Variants in PADI1 observed in about 807,000 individuals in gnomAD.
PADI1 encodes the protein peptidyl arginine deiminase 1.
In PADI1, 65 loss-of-function variants were observed where a neutral mutation model predicts 74.8. The ratio of observed to expected loss-of-function variants is 0.87; its 90% confidence interval spans 0.71 to 1.07. PADI1 has a LOEUF of 1.07. Among genes scored for constraint, PADI1 ranks in the 50% least tolerant of loss-of-function variants. The pLI is 0.00. For missense variants in PADI1, 943 were observed against 854.0 expected (o/e 1.10, Z -1.30); for synonymous variants, 371 against 336.2 (o/e 1.10, Z -1.13).
intron 1 of PADI1, among the ~76,000 whole-genome samples, chr1:17,221,096 G>A (rs992867351): frequency 6.6e-6 from 1 of 152,176 alleles, no homozygotes; most frequent in Non-Finnish European, 1.5e-5. Flanking sequence ...AGGTGAATGC[G>A]GTGTATTGGG....
intron 1 of PADI1, among the ~76,000 whole-genome samples, chr1:17,221,227 C>A (rs114802760): frequency 6.6e-6 from 1 of 152,164 alleles, no homozygotes; most frequent in African/African-American, 2.4e-5. Flanking sequence ...CATTCATTCA[C>A]ACGTGTTTAT....
chr1:17,239,809 C>T, intron 14 of PADI1, 26 bp downstream of exon 14: 2 of 1,557,436 alleles, frequency 1.3e-6, no homozygotes, highest in Non-Finnish European at 1.8e-6. Flanking sequence ...ACCAGCTGCT[C>T]TAAGGGGTCC....
Position 17,224,428 on chromosome 1 carries a change from G to A in PADI1, c.408G>A (p.Lys136=). The A allele has an allele frequency of 6.2e-7, 1 of 1,613,060 alleles. No individual in the cohort carries two copies. The highest frequency in any genetic ancestry group is 8.5e-7 in the Non-Finnish European group (1 of 1,179,292). ...AGGTGAAGAGGAGCCAAGGGGACAA[G>A]GTGAGACCCTTCCGGGCACCCCAAG... ...TGKVKRSQGD[K]KTWRWGPEGY... is the part of the protein sequence containing the mutation. Residue 136 remains lysine (K), a splice_region_variant and synonymous_variant, in exon 4 of 16, where the codon AAG becomes AAA. Transcript: ENST00000375471.
intron 11 of PADI1, among the ~76,000 whole-genome samples, 193 bp downstream of exon 11, chr1:17,233,163 C>T (rs2072544547): frequency 6.6e-6 from 1 of 152,204 alleles, no homozygotes; most frequent in Non-Finnish European, 1.5e-5. Context: ...GGAGAAAAGT[C>T]ACACGCTTGT....
intron 9 of PADI1, 124 bp downstream of exon 9, chr1:17,230,332 G>A (rs1363117682): frequency 5.6e-6 from 7 of 1,242,368 alleles, no homozygotes; most frequent in Middle Eastern, 2.7e-4. Context: ...CCTCTGGGGC[G>A]AGGGCTTTTC....
In PADI1 at chr1:17,214,358, G is replaced by A. The variant is rs567280844; in HGVS notation, c.93-7932G>A. On this transcript the variant is annotated intron_variant, in intron 1 of 15. Transcript: ENST00000375471. ...CCCCTGCCCCCCGCCCCATGACTTG[G>A]CCCAGCAGAGATGGGGGAGCAGCCT... 5.9e-5 allele frequency among the ~76,000 whole-genome samples: 9 copies of A among 152,260 alleles called. No homozygotes were observed. The South Asian group carries it at 1.9e-3, about 32-fold the overall frequency.
intron 12 of PADI1, among the ~76,000 whole-genome samples, chr1:17,238,019 A>C (rs534298190): frequency 2.4e-4 from 36 of 152,258 alleles, no homozygotes; most frequent in African/African-American, 8.7e-4. Flanking sequence ...GTGAAGGAGG[A>C]GACATCTGAA....
intron 1 of PADI1, among the ~76,000 whole-genome samples, chr1:17,208,979 A>G (rs1341462723): frequency 6.6e-6 from 1 of 152,230 alleles, no homozygotes; most frequent in African/African-American, 2.4e-5. Context: ...GCAGCAATGC[A>G]AGACTGAGTC....
chr1:17,242,752 G>C (rs76490244), intron 15 of PADI1, among the ~76,000 whole-genome samples: 6,445 of 152,316 alleles, frequency 0.042, 200 homozygotes, highest in Middle Eastern at 0.078. Flanking sequence ...CAGTGAGCGA[G>C]TGGCGGAGTT....
chr1:17,226,040 G>A lies in PADI1; in HGVS notation c.534G>A (p.Gln178=). The change falls in exon 6 of 16, where the codon CAG becomes CAA. Residue 178 remains glutamine, a synonymous_variant. Coordinates refer to ENST00000375471, the MANE Select transcript of PADI1 (RefSeq NM_013358.3). ...HSWLMSLADL[Q]DMSPMLLSCN... is the part of the protein sequence containing the mutation. ...GAGGGCCACTCTCTCCAGACCTGCA[G>A]GACATGTCCCCAATGCTGCTGAGCT... The A allele has an allele frequency of 1.9e-6, 3 of 1,614,186 alleles. No homozygotes were observed. Among genetic ancestry groups the A allele is most frequent in the Non-Finnish European group, 2.5e-6 (3 of 1,180,040 alleles).
chr1:17,223,416 C>A, intron 2 of PADI1: 1 of 577,362 alleles, frequency 1.7e-6, no homozygotes, highest in East Asian at 2.9e-5. Context: ...GCTCTGGGAA[C>A]CAAGGTGGGC....
chr1:17,222,506 C>A (rs752072760), intron 2 of PADI1, 36 bp downstream of exon 2: 3 of 1,490,872 alleles, frequency 2.0e-6, no homozygotes, highest in East Asian at 4.5e-5. Context: ...AGGGTTGGAT[C>A]TCTCCACCCC....
Position 17,232,901 on chromosome 1 carries a change from G to A in PADI1, c.1244G>A (p.Ser415Asn). 6.2e-7 allele frequency: 1 copy of A among 1,613,196 alleles called. No homozygotes were observed. Among genetic ancestry groups the A allele is most frequent in the South Asian group, 1.1e-5 (1 of 90,958 alleles). The stretch of plus-strand genomic sequence containing the variant: ...GACTCCTTCGGCAACCTGGACGTCA[G>A]CCCGCCCGTCACGGTGGGCGGCACG... The part of the protein sequence containing the change: ...SLDSFGNLDV[S>N]PPVTVGGTEY... The change falls in exon 11 of 16, where the codon AGC becomes AAC. Residue 415 changes from serine (S) to asparagine (N), a missense_variant. By Grantham distance (46) the Ser-to-Asn change is conservative (BLOSUM62 1). Coordinates refer to ENST00000375471, the MANE Select transcript of PADI1 (RefSeq NM_013358.3).
At chr1:17,229,095 G>A in intron 8 of PADI1, 44 bp downstream of exon 8, 1 of 1,267,502 alleles carries the variant, frequency 7.9e-7, no homozygotes. Flanking sequence ...CTGGAGTGCA[G>A]AGGTAGGGAC....
chr1:17,230,256 AG>A (rs2072450077), intron 9 of PADI1, 48 bp downstream of exon 9: 1 of 1,592,374 alleles, frequency 6.3e-7, no homozygotes, highest in African/African-American at 1.3e-5. Flanking sequence ...GCTTGGGGAA[AG>A]GGAAGCCGCA....
chr1:17,226,219 C>T, intron 6 of PADI1, 61 bp downstream of exon 6: 1 of 1,562,664 alleles, frequency 6.4e-7, no homozygotes. Flanking sequence ...TCTCCTCCCC[C>T]ATCTCTCTCT....
At chr1:17,230,327 G>T in intron 9 of PADI1, 119 bp downstream of exon 9, 1 of 1,283,090 alleles carries the variant, frequency 7.8e-7, no homozygotes, top group Non-Finnish European at 1.1e-6. Context: ...CCAGGCCTCT[G>T]GGGCGAGGGC....
At chr1:17,229,224 C>T (rs1330079059) in intron 8 of PADI1, among the ~76,000 whole-genome samples, 173 bp downstream of exon 8, 4 of 152,204 alleles carry the variant, frequency 2.6e-5, no homozygotes, top group Admixed American at 6.5e-5. Flanking sequence ...CCTGCCCAAC[C>T]CTGACCCACC....
chr1:17,240,851 G>A (rs947269816), intron 15 of PADI1, 91 bp downstream of exon 15: 1 of 1,426,614 alleles, frequency 7.0e-7, no homozygotes, highest in African/African-American at 1.4e-5. Context: ...TGCAGAGGCT[G>A]GAGGGCCCTG....
Sources: allele counts gnomAD v4.1 joint callset (sites outside exome capture counted in the v4.1 genomes callset), GRCh38; gene constraint gnomAD v4.1.1; transcripts MANE v1.5; gene names NCBI Gene and HGNC (gene_info 2026-07-23, HGNC 2026-07-21).